Variants in ST3GAL4 observed in about 807,000 individuals in gnomAD.
ST3GAL4 encodes CMP-N-acetylneuraminate-beta-galactosamide-alpha-2,3-sialyltransferase 4.
ST3GAL4 carries 24 observed loss-of-function variants against 42.6 expected under a neutral mutation model. That is an observed-to-expected ratio of 0.56 (90% CI 0.41 to 0.79). The LOEUF is 0.79. Among genes scored for constraint, ST3GAL4 ranks in the 30% least tolerant of loss-of-function variants. The pLI, the probability that ST3GAL4 is intolerant of heterozygous loss-of-function variation, is 0.00. For synonymous variants in ST3GAL4, 135 were observed against 163.2 expected, an observed-to-expected ratio of 0.83 and a Z score of 1.32; for missense variants, 311 against 430.8, an observed-to-expected ratio of 0.72 and a Z score of 2.46.
At position 126,398,726 on chromosome 11, in the gene ST3GAL4, G is replaced by A. The variant is rs1953881796; in HGVS notation, c.-60-7370G>A. 6.6e-6 allele frequency among the ~76,000 whole-genome samples: 1 copy of A among 152,234 alleles called. No homozygotes were observed. Among genetic ancestry groups the A allele is most frequent in the Non-Finnish European group, 1.5e-5 (1 of 68,052 alleles). ...ATATCCTTTGAAATCTAGTTGGAGG[G>A]AGCCAGGCCCATAGCCCCTGCATTC... On this transcript the variant is annotated intron_variant, in intron 1 of 10. Transcript: ENST00000444328. The surrounding 1 kb of genome is among the most constrained non-coding windows in gnomAD (Gnocchi z 4.7).
At position 126,407,611 on chromosome 11, in the gene ST3GAL4, C is replaced by A; in HGVS notation, c.318C>A (p.Ser106=). The change falls in exon 6 of 11, where the codon TCC becomes TCA. Residue 106 remains serine, a synonymous_variant. Coordinates refer to ENST00000444328, the MANE Select transcript of ST3GAL4 (RefSeq NM_001254757.2). ...LLLRVLAITS[S]SIPKNIQSLR... ...TCCGGGTGCTAGCCATCACCAGCTC[C>A]TCCATCCCCAAGAACATCCAGAGGT... 6.2e-7 allele frequency: 1 copy of A among 1,614,172 alleles called. No individual in the cohort carries two copies. The highest frequency in any genetic ancestry group is 8.5e-7 in the Non-Finnish European group (1 of 1,180,040).
Position 126,409,279 on chromosome 11 carries a change from T to A in ST3GAL4, c.639T>A (p.Gly213=). 6.2e-7 allele frequency: 1 copy of A among 1,614,112 alleles called. No homozygotes were observed. Among genetic ancestry groups the A allele is most frequent in the Non-Finnish European group, 8.5e-7 (1 of 1,180,020 alleles). ...ILSDKKRVRK[G]FWKQPPLIWD... ...CCCCATCCTCCTAGGTGCGAAAGGG[T>A]TTCTGGAAACAGCCTCCCCTCATCT... is the stretch of plus-strand genomic sequence containing the variant. Residue 213 remains glycine, a synonymous_variant, in exon 9 of 11, where the codon GGT becomes GGA. Coordinates refer to ENST00000444328, the MANE Select transcript of ST3GAL4 (RefSeq NM_001254757.2). The surrounding 1 kb of genome is among the most constrained non-coding windows in gnomAD (Gnocchi z 4.9).
Position 126,406,937 on chromosome 11 carries a change from C to T in ST3GAL4, c.102-6C>T. On this transcript the variant is annotated splice_polypyrimidine_tract_variant and splice_region_variant and intron_variant, in intron 3 of 10. Coordinates refer to ENST00000444328, the MANE Select transcript of ST3GAL4 (RefSeq NM_001254757.2). This position sits in a 1 kb window ranked among gnomAD's most constrained non-coding sequence, Gnocchi z 5.4. ...GCTTCTGCCTCCTGTCCTTTTTTCTCTCCAGTTTTTATTTTCCCATCCCAG... is the reference window on the plus strand; with the variant it reads ...GCTTCTGCCTCCTGTCCTTTTTTCTTTCCAGTTTTTATTTTCCCATCCCAG... 1 of 1,613,626 alleles carries T rather than the reference C, an allele frequency of 6.2e-7. No homozygotes were observed. The highest frequency in any genetic ancestry group is 8.5e-7 in the Non-Finnish European group (1 of 1,179,826).
At chr11:126,369,302 CAGT>C (rs899584522) in intron 1 of ST3GAL4, among the ~76,000 whole-genome samples, 10 of 152,174 alleles carry the variant, frequency 6.6e-5, no homozygotes, top group African/African-American at 2.4e-4. Flanking sequence ...GGCTGGAGCA[CAGT>C]GGTGTGATCT....
Position 126,406,859 on chromosome 11 carries a change from C to T in ST3GAL4, c.102-84C>T, listed in dbSNP as rs1335321535. The T allele has an allele frequency of 6.3e-6, 8 of 1,271,782 alleles. No individual in the cohort carries two copies. Among genetic ancestry groups the T allele is most frequent in the Non-Finnish European group, 9.1e-6 (8 of 879,600 alleles). The allele number at this position is 1,271,782 out of a possible 1,614,324, so 78.8% of individuals were successfully genotyped here. A position where few individuals can be genotyped will look rare whatever the true frequency, so the allele number is the denominator to read the frequency against. ...TCCCCGGCACCTTGGGACCTTCATG[C>T]CGTGGGAGAAGGCTTAGGCTGCCTG... On this transcript the variant is annotated intron_variant, in intron 3 of 10. Coordinates refer to ENST00000444328, the MANE Select transcript of ST3GAL4 (RefSeq NM_001254757.2). The surrounding 1 kb of genome is among the most constrained non-coding windows in gnomAD (Gnocchi z 5.4).
chr11:126,405,507 C>T (rs11220477), intron 1 of ST3GAL4: 8,759 of 155,398 alleles, frequency 0.056, 394 homozygotes, highest in East Asian at 0.24. Context: ...TTGGTCAGGG[C>T]CTAGAAGGGA....
chr11:126,374,996 A>T (rs1349826528), intron 1 of ST3GAL4: 1 of 152,086 alleles, frequency 6.6e-6, no homozygotes, highest in Non-Finnish European at 1.5e-5. Context: ...GTTGGCAGAC[A>T]CTGTGGAGAC....
chr11:126,412,747 G>T (rs1418698137), intron 9 of ST3GAL4, among the ~76,000 whole-genome samples: 1 of 152,228 alleles, frequency 6.6e-6, no homozygotes, highest in Non-Finnish European at 1.5e-5. Flanking sequence ...CAGGTCTTCT[G>T]AATGAGGTCA....
At position 126,406,380 on chromosome 11, in the gene ST3GAL4, T is replaced by G; in HGVS notation, c.17-93T>G. On this transcript the variant is annotated intron_variant, in intron 2 of 10. Coordinates refer to ENST00000444328, the MANE Select transcript of ST3GAL4 (RefSeq NM_001254757.2). This position sits in a 1 kb window ranked among gnomAD's most constrained non-coding sequence, Gnocchi z 5.4. ...GAGACTGCTTCTGTTGAGTTAGGGG[T>G]CGGAGGGACTCAGAAGGGGGCAGGT... The G allele has an allele frequency of 6.3e-7, 1 of 1,595,196 alleles. No individual in the cohort carries two copies. The highest frequency in any genetic ancestry group is 8.5e-7 in the Non-Finnish European group (1 of 1,171,264).
intron 9 of ST3GAL4, among the ~76,000 whole-genome samples, chr11:126,412,018 T>TA (rs1261744808): frequency 2.0e-5 from 3 of 152,132 alleles, no homozygotes; most frequent in African/African-American, 7.2e-5. Context: ...GGGGTTCTCT[T>TA]ACGATTCTGC....
At position 126,391,998 on chromosome 11, in the gene ST3GAL4, A is replaced by G. The variant is rs1208599579; in HGVS notation, c.-60-14098A>G. Among the ~76,000 whole-genome samples the G allele has an allele frequency of 6.6e-6, 1 of 150,440 alleles. No individual in the cohort carries two copies. Among genetic ancestry groups the G allele is most frequent in the African/African-American group, 2.5e-5 (1 of 40,494 alleles). On this transcript the variant is annotated intron_variant, in intron 1 of 10. Transcript: ENST00000444328. The surrounding 1 kb of genome is among the most constrained non-coding windows in gnomAD (Gnocchi z 5.5). ...ATGTGTGTGTATGTGTATATATAAA[A>G]TTATTTTCCTTAACACCACTGACCT...
chr11:126,414,158 C>A lies in ST3GAL4; in HGVS notation c.*111C>A. The A allele has an allele frequency of 9.5e-7, 1 of 1,049,212 alleles. No homozygotes were observed. The highest frequency in any genetic ancestry group is 1.5e-6 in the Non-Finnish European group (1 of 677,348). 65.0% of individuals were successfully genotyped at this position (1,049,212 alleles called of 1,614,324 possible). Reference sequence around the variant, plus strand: ...TATGACCCACTTGGACTCACCCCCTCTTGGGGAGGGAGTTCTGGGCCTGGC... The same window carrying A: ...TATGACCCACTTGGACTCACCCCCTATTGGGGAGGGAGTTCTGGGCCTGGC... On this transcript the variant is annotated 3_prime_UTR_variant, in exon 11 of 11. Coordinates refer to ENST00000444328, the MANE Select transcript of ST3GAL4 (RefSeq NM_001254757.2).
rs113756944 is a variant in ST3GAL4, at chr11:126,396,798, G to A, written c.-60-9298G>A. On this transcript the variant is annotated intron_variant, in intron 1 of 10. Transcript: ENST00000444328. This position sits in a 1 kb window ranked among gnomAD's most constrained non-coding sequence, Gnocchi z 5.8. ...CCTCACGAGCTGTACAACCTGGGCCGGTTACTGACCCCTTTCCCACCTTAG... is the reference window on the plus strand; with the variant it reads ...CCTCACGAGCTGTACAACCTGGGCCAGTTACTGACCCCTTTCCCACCTTAG... Among the ~76,000 whole-genome samples the A allele has an allele frequency of 1.3e-5, 2 of 151,302 alleles. No homozygotes were observed. The highest frequency in any genetic ancestry group is 2.1e-4 in the South Asian group (1 of 4,808).
In ST3GAL4 at chr11:126,379,669, G is replaced by T. The variant is rs1183941275; in HGVS notation, c.-61+23827G>T. 6.6e-6 allele frequency among the ~76,000 whole-genome samples: 1 copy of T among 151,892 alleles called. No homozygotes were observed. Among genetic ancestry groups the T allele is most frequent in the Non-Finnish European group, 1.5e-5 (1 of 67,964 alleles). On this transcript the variant is annotated intron_variant, in intron 1 of 10. Coordinates refer to ENST00000444328, the MANE Select transcript of ST3GAL4 (RefSeq NM_001254757.2). The surrounding 1 kb of genome is among the most constrained non-coding windows in gnomAD (Gnocchi z 4.2). Reference sequence around the variant, plus strand: ...ATTTTTGTATTTTTAGTAGAGATGGGGTTTCACCACGTTGGCCAGGCTGGT... The same window carrying T: ...ATTTTTGTATTTTTAGTAGAGATGGTGTTTCACCACGTTGGCCAGGCTGGT...
chr11:126,362,361 G>A (rs1180614610), intron 1 of ST3GAL4, among the ~76,000 whole-genome samples: 2 of 151,454 alleles, frequency 1.3e-5, no homozygotes, highest in East Asian at 1.9e-4. Context: ...CATCACACCC[G>A]GCTAATTTTT....
rs1253133628 is a variant in ST3GAL4, at chr11:126,376,678, A to G, written c.-61+20836A>G. ...AGGAATTTTTCAGGCCTGGTCTCCAAATTTTGCTTTAACAATTCCTTGCTT... is the reference window on the plus strand; with the variant it reads ...AGGAATTTTTCAGGCCTGGTCTCCAGATTTTGCTTTAACAATTCCTTGCTT... On this transcript the variant is annotated intron_variant, in intron 1 of 10. Coordinates refer to ENST00000444328, the MANE Select transcript of ST3GAL4 (RefSeq NM_001254757.2). This position sits in a 1 kb window ranked among gnomAD's most constrained non-coding sequence, Gnocchi z 5.1. 6.6e-6 allele frequency: 1 copy of G among 152,216 alleles called. No individual in the cohort carries two copies. The highest frequency in any genetic ancestry group is 1.5e-5 in the Non-Finnish European group (1 of 68,042). 9.4% of individuals were successfully genotyped at this position (152,216 alleles called of 1,614,324 possible).
At position 126,363,762 on chromosome 11, in the gene ST3GAL4, G is replaced by C. The variant is rs1241036547; in HGVS notation, c.-61+7920G>C. ...CTCTCTCTTGAGCTCTTTCTCCCAG[G>C]GGAAGCTGCTCGAATGAGGGGAGTT... On this transcript the variant is annotated intron_variant, in intron 1 of 10. Coordinates refer to ENST00000444328, the MANE Select transcript of ST3GAL4 (RefSeq NM_001254757.2). This position sits in a 1 kb window ranked among gnomAD's most constrained non-coding sequence, Gnocchi z 4.6. Among the ~76,000 whole-genome samples, 1 of 152,134 alleles carries C rather than the reference G, an allele frequency of 6.6e-6. No homozygotes were observed. Among genetic ancestry groups the C allele is most frequent in the African/African-American group, 2.4e-5 (1 of 41,422 alleles).
intron 1 of ST3GAL4, among the ~76,000 whole-genome samples, chr11:126,374,517 C>A (rs1252933565): frequency 2.6e-5 from 4 of 151,288 alleles, no homozygotes; most frequent in Non-Finnish European, 5.9e-5. Flanking sequence ...GATAGCCAAG[C>A]CCATGTCTAC....
chr11:126,395,138 A>G (rs1412536952), intron 1 of ST3GAL4, among the ~76,000 whole-genome samples: 3 of 152,168 alleles, frequency 2.0e-5, no homozygotes, highest in Non-Finnish European at 4.4e-5. Flanking sequence ...TATCTGACCT[A>G]CTGTCACTGC....
Sources: allele counts gnomAD v4.1 joint callset (sites outside exome capture counted in the v4.1 genomes callset), GRCh38; gene constraint gnomAD v4.1.1; non-coding constraint Gnocchi (gnomAD v3.1); transcripts MANE v1.5; gene names NCBI Gene and HGNC (gene_info 2026-07-23, HGNC 2026-07-21).